WWOX: variants seen among roughly 807,000 people sequenced by gnomAD.
WWOX encodes WW domain-containing oxidoreductase.
Under a neutral mutation model 46.2 loss-of-function variants are expected in WWOX, and 69 were observed. That is an observed-to-expected ratio of 1.49 (90% confidence interval 1.23 to 1.82). WWOX has a LOEUF of 1.82. WWOX is among the 40% of genes most tolerant of loss of function. WWOX has a pLI of 0.00. For synonymous variants in WWOX, 359 were observed against 202.6 expected (o/e 1.77, Z -6.56); for missense variants, 919 against 542.6 (o/e 1.69, Z -6.89).
rs2048064439 is a variant in WWOX, at chr16:79,046,298, G to A, written c.1057-165310G>A. On this transcript the variant is annotated intron_variant, in intron 8 of 8. Coordinates refer to ENST00000566780, the MANE Select transcript of WWOX (RefSeq NM_016373.4). Reference sequence around the variant, plus strand: ...GTAAAGCTCTCAGCCCAGGGATATAGTAGCACCAGCACATAGTAGATGATC... The same window carrying A: ...GTAAAGCTCTCAGCCCAGGGATATAATAGCACCAGCACATAGTAGATGATC... Among the ~76,000 whole-genome samples the A allele has an allele frequency of 2.6e-5, 4 of 152,110 alleles. No homozygotes were observed. In the South Asian group the frequency reaches 8.3e-4, roughly 32 times the overall value.
chr16:78,702,124 T>TATATA (rs777394763), intron 8 of WWOX, among the ~76,000 whole-genome samples: 3,187 of 105,410 alleles, frequency 0.03, 89 homozygotes, highest in Middle Eastern at 0.035. Context: ...ATATATATAT[T>TATATA]TATTTATTTT....
At chr16:78,122,087 T>C (rs2033124819) in intron 4 of WWOX, among the ~76,000 whole-genome samples, 1 of 152,242 alleles carries the variant, frequency 6.6e-6, no homozygotes, top group South Asian at 2.1e-4. Flanking sequence ...GTTATAGTTC[T>C]ATTTTATTAT....
chr16:79,152,369 G>C (rs950356516), intron 8 of WWOX, among the ~76,000 whole-genome samples: 1 of 152,086 alleles, frequency 6.6e-6, no homozygotes, highest in Non-Finnish European at 1.5e-5. Context: ...AGACAGTTAA[G>C]CTTTAAAAAA....
chr16:78,168,110 A>G (rs985832633), intron 5 of WWOX: 4 of 152,220 alleles, frequency 2.6e-5, no homozygotes, highest in Admixed American at 2.0e-4. Flanking sequence ...GCAAAAGCTC[A>G]TTCAGAAGTC....
At chr16:79,148,860 T>G (rs2150728816) in intron 8 of WWOX, among the ~76,000 whole-genome samples, 1 of 152,346 alleles carries the variant, frequency 6.6e-6, no homozygotes, top group Non-Finnish European at 1.5e-5. Flanking sequence ...TGTGTTGATC[T>G]TGATCCTATG....
At chr16:78,388,362 C>T (rs575289156) in intron 6 of WWOX, among the ~76,000 whole-genome samples, 1 of 152,212 alleles carries the variant, frequency 6.6e-6, no homozygotes, top group African/African-American at 2.4e-5. Flanking sequence ...AAAGTTTGCT[C>T]TCAGCTGGGT....
At chr16:78,634,122 G>C (rs1045409436) in intron 8 of WWOX, among the ~76,000 whole-genome samples, 6 of 152,142 alleles carry the variant, frequency 3.9e-5, no homozygotes, top group African/African-American at 1.4e-4. Flanking sequence ...CTCTGTACCA[G>C]AGAGAGACCT....
At chr16:78,579,718 T>A (rs1310416036) in intron 8 of WWOX, among the ~76,000 whole-genome samples, 1 of 152,126 alleles carries the variant, frequency 6.6e-6, no homozygotes, top group Non-Finnish European at 1.5e-5. Flanking sequence ...TGTTTTCACT[T>A]CTTCTTTCTT....
At chr16:78,540,189 T>G (rs1378899820) in intron 8 of WWOX, among the ~76,000 whole-genome samples, 1 of 149,964 alleles carries the variant, frequency 6.7e-6, no homozygotes. Context: ...AAAAGCAAAA[T>G]GGTAACAATA....
intron 8 of WWOX, among the ~76,000 whole-genome samples, chr16:78,478,598 C>G (rs564711740): frequency 5.9e-5 from 9 of 152,270 alleles, no homozygotes; most frequent in Middle Eastern, 3.4e-3. Context: ...CAAGGAAAGC[C>G]TTCCCACCTT....
chr16:78,203,724 C>T (rs377643300), intron 5 of WWOX, among the ~76,000 whole-genome samples: 54 of 152,166 alleles, frequency 3.5e-4, no homozygotes, highest in African/African-American at 1.2e-3. Context: ...GATGGGGGAG[C>T]AGGTAAAATA....
At chr16:78,481,516 T>C (rs1475573172) in intron 8 of WWOX, among the ~76,000 whole-genome samples, 1 of 152,130 alleles carries the variant, frequency 6.6e-6, no homozygotes, top group Non-Finnish European at 1.5e-5. Flanking sequence ...TGTTTATCAT[T>C]AGCCCTGGGA....
At chr16:78,936,105 G>A (rs988375654) in intron 8 of WWOX, among the ~76,000 whole-genome samples, 2 of 152,144 alleles carry the variant, frequency 1.3e-5, no homozygotes, top group African/African-American at 4.8e-5. Context: ...TGAAAGGAAA[G>A]AAGGAGGTAA....
At chr16:78,374,021 A>C (rs1433060177) in intron 5 of WWOX, among the ~76,000 whole-genome samples, 1 of 152,194 alleles carries the variant, frequency 6.6e-6, no homozygotes, top group Admixed American at 6.5e-5. Flanking sequence ...TCCTGACCTC[A>C]AGTGGTCTGC....
intron 5 of WWOX, among the ~76,000 whole-genome samples, chr16:78,214,143 C>A (rs1479427661): frequency 6.6e-6 from 1 of 152,146 alleles, no homozygotes; most frequent in Admixed American, 6.5e-5. Flanking sequence ...CTCCACATTG[C>A]AGACTGACCC....
At chr16:78,587,360 T>C (rs79565568) in intron 8 of WWOX, among the ~76,000 whole-genome samples, 6 of 151,922 alleles carry the variant, frequency 3.9e-5, no homozygotes, top group African/African-American at 1.5e-4. Flanking sequence ...ATTTTTAAAA[T>C]AAAATTTCAG....
chr16:78,876,450 A>G (rs1343364613), intron 8 of WWOX, among the ~76,000 whole-genome samples: 1 of 148,574 alleles, frequency 6.7e-6, no homozygotes, highest in Non-Finnish European at 1.5e-5. Flanking sequence ...CAACAAATAG[A>G]TTGTGAATGC....
At chr16:78,711,784 G>A (rs1486984071) in intron 8 of WWOX, among the ~76,000 whole-genome samples, 2 of 152,086 alleles carry the variant, frequency 1.3e-5, no homozygotes, top group Non-Finnish European at 2.9e-5. Context: ...GAGCGCACAG[G>A]AGCCTTCTCA....
At chr16:78,711,325 A>C (rs1326576400) in intron 8 of WWOX, among the ~76,000 whole-genome samples, 1 of 152,236 alleles carries the variant, frequency 6.6e-6, no homozygotes, top group Non-Finnish European at 1.5e-5. Flanking sequence ...TGGTTTGTTT[A>C]GCAACAGCCT....
Sources: gnomAD v4.1 joint callset for allele counts (sites outside exome capture counted in the v4.1 genomes callset) on GRCh38, gnomAD v4.1.1 for gene constraint, MANE v1.5 for transcripts, NCBI Gene and HGNC (gene_info 2026-07-23, HGNC 2026-07-21) for gene names.